The following SP140 variants were observed in gnomAD, a reference collection of about 807,000 sequenced individuals.
SP140 encodes the protein nuclear body protein SP140.
A neutral mutation model predicts 125.0 loss-of-function variants in SP140; 81 were observed. The observed-to-expected ratio is 0.65, with a 90% confidence interval of 0.54 to 0.78. The LOEUF (loss-of-function observed/expected upper bound fraction) is 0.78, where lower values mean the gene tolerates loss of function less well. Among genes scored for constraint, SP140 ranks in the 30% least tolerant of loss-of-function variants. The probability of loss-of-function intolerance (pLI) is 0.00; values close to 1 mark genes in which losing one functional copy is unlikely to be tolerated. For synonymous variants in SP140, 312 were observed against 354.0 expected, an observed-to-expected ratio of 0.88 and a Z score of 1.33; for missense variants, 858 against 1,037.0, an observed-to-expected ratio of 0.83 and a Z score of 2.37.
At chr2:230,221,145 G>A (rs1399687230), upstream of SP140, among the ~76,000 whole-genome samples, 1 of 151,796 alleles carries the variant, frequency 6.6e-6, no homozygotes, top group African/African-American at 2.4e-5. Flanking sequence ...GCCAGATGTG[G>A]TGGCGGGAAC....
chr2:230,261,552 C>T (rs1009629612), intron 12 of SP140, among the ~76,000 whole-genome samples: 19 of 152,232 alleles, frequency 1.2e-4, no homozygotes, highest in Admixed American at 9.2e-4. Flanking sequence ...GGAAAGCTTT[C>T]AACATTTCCC....
At chr2:230,293,329 A>G (rs1030358778) in intron 20 of SP140, among the ~76,000 whole-genome samples, 1 of 152,150 alleles carries the variant, frequency 6.6e-6, no homozygotes, top group African/African-American at 2.4e-5. Flanking sequence ...ATTTAAAACA[A>G]TATTTTATTT....
chr2:230,267,603 A>C (rs952875487), intron 12 of SP140, among the ~76,000 whole-genome samples: 1 of 152,210 alleles, frequency 6.6e-6, no homozygotes, highest in Non-Finnish European at 1.5e-5. Context: ...AAATTTTGCC[A>C]GTTATTAAGA....
chr2:230,304,616 G>T (rs922420139), intron 22 of SP140, among the ~76,000 whole-genome samples: 2 of 152,148 alleles, frequency 1.3e-5, no homozygotes, highest in African/African-American at 4.8e-5. Context: ...AATATTTGCA[G>T]CCAGCTAACC....
Position 230,288,025 on chromosome 2 carries a change from A to G in SP140, c.1720+59A>G, listed in dbSNP as rs181566954. On this transcript the variant is annotated intron_variant, in intron 18 of 26. Transcript: ENST00000392045. The stretch of plus-strand genomic sequence containing the variant: ...CTAAACATCTAATTTCCTGTGCGGT[A>G]CACTGTACTTTCAGTAATAAACCCA... 86 of 1,397,604 alleles carry G rather than the reference A, an allele frequency of 6.2e-5. 1 individual carries two copies. In the African/African-American group the frequency reaches 1.1e-3, roughly 18 times the overall value. 86.6% of individuals were successfully genotyped at this position (1,397,604 alleles called of 1,614,324 possible). A position where few individuals can be genotyped will look rare whatever the true frequency, so the allele number is the denominator to read the frequency against.
chr2:230,296,502 C>A (rs1333802144), intron 21 of SP140, among the ~76,000 whole-genome samples: 1 of 152,214 alleles, frequency 6.6e-6, no homozygotes. Flanking sequence ...TGGGTTACCT[C>A]TTAAAAGTCA....
rs181865773 is a variant in SP140 at position 230,275,740 on chromosome 2, G to C, written c.1498+5101G>C. ...GCTTAGTTAGGAAGCCATGTCAAAA[G>C]CTGAGAGGCTGAAAACTAGGCCTGT... On this transcript the variant is annotated intron_variant, in intron 15 of 26. Transcript: ENST00000392045. 3.9e-5 allele frequency among the ~76,000 whole-genome samples: 6 copies of C among 152,322 alleles called. No homozygotes were observed. In the East Asian group the frequency reaches 5.8e-4, roughly 15 times the overall value.
chr2:230,212,867 A>G (rs2044649054), intron 1 of SP140: 1 of 1,614,110 alleles, frequency 6.2e-7, no homozygotes, highest in Non-Finnish European at 8.5e-7. Flanking sequence ...AGGATGTTCC[A>G]GGCTCACTGA....
chr2:230,222,302 G>A (rs57136134), upstream of SP140, among the ~76,000 whole-genome samples: 3,837 of 151,510 alleles, frequency 0.025, 160 homozygotes, highest in African/African-American at 0.088. Context: ...TAATTCACAT[G>A]CTAGTGATTA....
chr2:230,291,853 C>T (rs2057154756), intron 19 of SP140, among the ~76,000 whole-genome samples: 1 of 152,216 alleles, frequency 6.6e-6, no homozygotes, highest in Non-Finnish European at 1.5e-5. Flanking sequence ...AGTGGCTGCA[C>T]TATTCTGTAT....
chr2:230,272,508 A>AG (rs2149364473), intron 15 of SP140, among the ~76,000 whole-genome samples: 1 of 152,250 alleles, frequency 6.6e-6, no homozygotes, highest in South Asian at 2.1e-4. Flanking sequence ...TAGTTTTATA[A>AG]GGGGGAGTTT....
upstream of SP140, among the ~76,000 whole-genome samples, chr2:230,202,071 CAA>C: frequency 6.6e-6 from 1 of 152,278 alleles, no homozygotes; most frequent in Non-Finnish European, 1.5e-5. Context: ...CACTCACAAT[CAA>C]AGAGATTTGC....
At chr2:230,206,730 C>T (rs950029649) in intron 1 of SP140, among the ~76,000 whole-genome samples, 8 of 148,934 alleles carry the variant, frequency 5.4e-5, no homozygotes, top group Admixed American at 2.0e-4. Flanking sequence ...GCCCTAGTCC[C>T]GGAGACACAG....
At chr2:230,265,947 G>A (rs889097971) in intron 12 of SP140, among the ~76,000 whole-genome samples, 5 of 152,146 alleles carry the variant, frequency 3.3e-5, no homozygotes, top group Admixed American at 3.3e-4. Flanking sequence ...CCTGTCTCCT[G>A]ATAATGTGAT....
chr2:230,296,751 C>T (rs1480865991), intron 21 of SP140, among the ~76,000 whole-genome samples: 6 of 152,136 alleles, frequency 3.9e-5, no homozygotes, highest in African/African-American at 1.4e-4. Flanking sequence ...ATTGAGGCTC[C>T]TCTGGGTGGG....
At chr2:230,257,275 G>A (rs918396234) in intron 12 of SP140, among the ~76,000 whole-genome samples, 14 of 151,742 alleles carry the variant, frequency 9.2e-5, no homozygotes, top group African/African-American at 1.9e-4. Flanking sequence ...TGTAATCTAC[G>A]ATACGAGATA....
At chr2:230,301,649 A>G (rs1280029809) in intron 22 of SP140, among the ~76,000 whole-genome samples, 1 of 152,222 alleles carries the variant, frequency 6.6e-6, no homozygotes, top group Non-Finnish European at 1.5e-5. Context: ...TAAATCTTAA[A>G]ACAATATATC....
intron 1 of SP140, among the ~76,000 whole-genome samples, chr2:230,228,442 T>C (rs2046771886): frequency 6.6e-6 from 1 of 152,236 alleles, no homozygotes; most frequent in South Asian, 2.1e-4. Flanking sequence ...ACACCCTTAC[T>C]GATTTTTCTG....
At chr2:230,228,090 A>G (rs1407515874) in intron 1 of SP140, among the ~76,000 whole-genome samples, 1 of 152,036 alleles carries the variant, frequency 6.6e-6, no homozygotes, top group Non-Finnish European at 1.5e-5. Flanking sequence ...CATCCCATTC[A>G]TTTTAATAAG....
Sources: allele counts gnomAD v4.1 joint callset (sites outside exome capture counted in the v4.1 genomes callset), GRCh38; gene constraint gnomAD v4.1.1; transcripts MANE v1.5; gene names NCBI Gene and HGNC (gene_info 2026-07-23, HGNC 2026-07-21).